The following MARCHF1 variants were observed in gnomAD, a reference collection of about 807,000 sequenced individuals.
MARCHF1 encodes the protein membrane associated ring-CH-type finger 1.
MARCHF1 carries 40 observed loss-of-function variants against 54.2 expected under a neutral mutation model. The ratio of observed to expected loss-of-function variants is 0.74; its 90% CI spans 0.57 to 0.96. The LOEUF (loss-of-function observed/expected upper bound fraction) is 0.96, where lower values mean the gene tolerates loss of function less well. MARCHF1 is among the 40% of genes least tolerant of loss of function. The pLI is 0.00. For missense variants in MARCHF1, 586 were observed against 656.5 expected, an observed-to-expected ratio of 0.89 and a Z score of 1.17; for synonymous variants, 236 against 236.3, an observed-to-expected ratio of 1.00 and a Z score of 0.01.
At chr4:163,875,881 A>G (rs1293684367) in intron 3 of MARCHF1, among the ~76,000 whole-genome samples, 1 of 152,104 alleles carries the variant, frequency 6.6e-6, no homozygotes, top group Non-Finnish European at 1.5e-5. Flanking sequence ...CAAACCTTGG[A>G]AGGCTGAGTA....
intron 5 of MARCHF1, among the ~76,000 whole-genome samples, chr4:163,694,746 T>C (rs1279690002): frequency 1.3e-5 from 2 of 152,160 alleles, no homozygotes; most frequent in South Asian, 2.1e-4. Flanking sequence ...GAGCTAAAAA[T>C]ATCTTGATAG....
chr4:164,081,680 T>C (rs565373241), intron 2 of MARCHF1, among the ~76,000 whole-genome samples: 19 of 152,158 alleles, frequency 1.2e-4, no homozygotes, highest in Admixed American at 9.8e-4. Flanking sequence ...TTGGGAATTA[T>C]GGGGAAAACA....
intron 2 of MARCHF1, among the ~76,000 whole-genome samples, chr4:163,999,745 T>C (rs747676857): frequency 1.3e-5 from 2 of 151,590 alleles, no homozygotes; most frequent in African/African-American, 2.4e-5. Flanking sequence ...GTAAGCATTC[T>C]ACATATATAT....
At chr4:164,350,426 T>C (rs945904189) in intron 1 of MARCHF1, among the ~76,000 whole-genome samples, 3 of 152,188 alleles carry the variant, frequency 2.0e-5, no homozygotes, top group Admixed American at 6.5e-5. Context: ...GAATAAGTTC[T>C]AGTGTTCTAT....
At chr4:163,880,619 T>A in intron 3 of MARCHF1, among the ~76,000 whole-genome samples, 1 of 152,034 alleles carries the variant, frequency 6.6e-6, no homozygotes, top group Admixed American at 6.6e-5. Flanking sequence ...TTTTATGGAA[T>A]ACATATATAA....
chr4:163,824,810 C>T (rs1017242385), intron 4 of MARCHF1, among the ~76,000 whole-genome samples: 2 of 109,106 alleles, frequency 1.8e-5, no homozygotes, highest in African/African-American at 6.2e-5. Flanking sequence ...AACAAACAAC[C>T]CCATCAAAAA....
chr4:163,837,127 C>T (rs1047131937), intron 4 of MARCHF1, among the ~76,000 whole-genome samples: 2 of 152,032 alleles, frequency 1.3e-5, no homozygotes, highest in African/African-American at 4.8e-5. Flanking sequence ...CAGAATCAAA[C>T]ATACCATTTT....
At chr4:164,363,323 T>C (rs1161318234) in intron 1 of MARCHF1, among the ~76,000 whole-genome samples, 1 of 152,162 alleles carries the variant, frequency 6.6e-6, no homozygotes, top group Non-Finnish European at 1.5e-5. Context: ...AACTATAAAC[T>C]ACTTCTTATC....
intron 1 of MARCHF1, among the ~76,000 whole-genome samples, chr4:164,251,099 G>C (rs1395798395): frequency 1.3e-5 from 2 of 152,056 alleles, no homozygotes; most frequent in Admixed American, 1.3e-4. Context: ...CATCACCAAT[G>C]TGCTAGCCAT....
chr4:163,551,775 G>A (rs750418919), intron 8 of MARCHF1, among the ~76,000 whole-genome samples: 4 of 152,114 alleles, frequency 2.6e-5, no homozygotes, highest in Non-Finnish European at 5.9e-5. Context: ...TAAGTCTCAC[G>A]AGATCTGATG....
intron 5 of MARCHF1, among the ~76,000 whole-genome samples, chr4:163,686,042 G>T (rs1417269170): frequency 6.6e-6 from 1 of 152,104 alleles, no homozygotes; most frequent in Non-Finnish European, 1.5e-5. Flanking sequence ...AAGGGTTCTT[G>T]TCAGGTTTAG....
intron 3 of MARCHF1, among the ~76,000 whole-genome samples, chr4:163,876,851 C>T (rs1274123689): frequency 6.6e-6 from 1 of 152,014 alleles, no homozygotes; most frequent in Non-Finnish European, 1.5e-5. Flanking sequence ...AATTAACTAG[C>T]CCAATTCTCC....
intron 1 of MARCHF1, among the ~76,000 whole-genome samples, chr4:164,361,597 C>T (rs74727508): frequency 0.015 from 2,312 of 152,188 alleles, 86 homozygotes; most frequent in East Asian, 0.13. Context: ...CTCTGAGCTT[C>T]GCCTGTCTCT....
At chr4:164,218,299 T>G (rs992636956) in intron 1 of MARCHF1, among the ~76,000 whole-genome samples, 10 of 152,212 alleles carry the variant, frequency 6.6e-5, no homozygotes, top group African/African-American at 2.4e-4. Context: ...CGTTGAGTAT[T>G]GAAACTTAAG....
At position 163,844,211 on chromosome 4, in the gene MARCHF1, T is replaced by C. The variant is rs886229911; in HGVS notation, c.111+9810A>G. Among the ~76,000 whole-genome samples the C allele has an allele frequency of 2.0e-5, 3 of 152,138 alleles. No individual in the cohort carries two copies. In the East Asian group the frequency reaches 5.8e-4, roughly 29 times the overall value. On this transcript the variant is annotated intron_variant, in intron 4 of 9. Coordinates refer to ENST00000514618, the MANE Select transcript of MARCHF1 (RefSeq NM_001394959.1). ...TCATCATTCAGCTCCCACTTACAAG[T>C]GAGAGCATGAGGTACGTGGTTTTCT...
At chr4:163,745,129 T>G (rs1746319702) in intron 4 of MARCHF1, among the ~76,000 whole-genome samples, 1 of 151,052 alleles carries the variant, frequency 6.6e-6, no homozygotes, top group African/African-American at 2.4e-5. Flanking sequence ...TTTTTTTTTT[T>G]TGAGACAGAG....
At chr4:163,602,058 A>G (rs978808999) in intron 7 of MARCHF1, among the ~76,000 whole-genome samples, 4 of 151,998 alleles carry the variant, frequency 2.6e-5, no homozygotes, top group Admixed American at 1.3e-4. Context: ...TAAAGAAAAG[A>G]TAACATGCCA....
In MARCHF1 at chr4:163,626,778, T is replaced by G. The variant is rs554240558; in HGVS notation, c.163-13385A>C. ...CCCATCTCTACTAAAATACAAAAAA[T>G]TAGCCTGGCATGGTGGTGTGCTCCT... is the stretch of plus-strand genomic sequence containing the variant. On this transcript the variant is annotated intron_variant, in intron 5 of 9. Transcript: ENST00000514618. Among the ~76,000 whole-genome samples the G allele has an allele frequency of 4.2e-4, 64 of 151,960 alleles. 2 individuals are homozygous for G. Among genetic ancestry groups the G allele is most frequent in the Non-Finnish European group, 2.2e-4 (15 of 67,966 alleles).
Position 163,612,624 on chromosome 4 carries a change from T to G in MARCHF1, c.657A>C (p.Gln219His). 2 of 1,535,606 alleles carry G rather than the reference T, an allele frequency of 1.3e-6. No homozygotes were observed. The highest frequency in any genetic ancestry group is 1.7e-6 in the Non-Finnish European group (2 of 1,146,544). ...LVDLGSKGKE[Q>H]QELIECESCS... ...AACTCTCACATTCAATCAGCTCTTG[T>G]TGCTCTTTACCTTTGGATCCCAGAT... The change falls in exon 7 of 10, where the codon CAA (glutamine) becomes CAC (histidine). Residue 219 changes from glutamine (Q) to histidine (H), a missense_variant. Physicochemically the swap from Gln to His is conservative, Grantham distance 24. Around this residue, in one of 3 missense-constraint regions of MARCHF1, gnomAD observed 387 missense variants for 394.6 expected, o/e 0.98. Coordinates refer to ENST00000514618, the MANE Select transcript of MARCHF1 (RefSeq NM_001394959.1).
Sources: allele counts gnomAD v4.1 joint callset (sites outside exome capture counted in the v4.1 genomes callset), GRCh38; gene constraint gnomAD v4.1.1; regional missense constraint gnomAD v4.1.1; transcripts MANE v1.5; gene names NCBI Gene and HGNC (gene_info 2026-07-23, HGNC 2026-07-21).